HDAC9: variants seen among roughly 807,000 people sequenced by gnomAD.
HDAC9 encodes MEF-2 interacting transcription repressor (MITR) protein.
In HDAC9, 41 loss-of-function variants were observed where a neutral mutation model predicts 139.4. That is an observed-to-expected ratio of 0.29 (90% CI 0.23 to 0.38). The LOEUF is 0.38. HDAC9 is among the 10% of genes least tolerant of loss of function. The pLI is 1.00. For synonymous variants in HDAC9, 517 were observed against 476.2 expected (o/e 1.09, Z -1.12); for missense variants, 1,147 against 1,297.0 (o/e 0.88, Z 1.78).
intron 1 of HDAC9, among the ~76,000 whole-genome samples, chr7:18,379,920 G>T (rs1489660651): frequency 6.6e-6 from 1 of 152,178 alleles, no homozygotes; most frequent in Non-Finnish European, 1.5e-5. Flanking sequence ...TTTGGGTCTT[G>T]CAGCTGGCTC....
intron 2 of HDAC9, among the ~76,000 whole-genome samples, chr7:18,558,163 C>A (rs538211494): frequency 8.5e-5 from 13 of 152,084 alleles, no homozygotes; most frequent in Non-Finnish European, 1.6e-4. Context: ...CTTCTCTGAT[C>A]CATCATTATT....
At chr7:18,253,566 T>C (rs1250556626) in intron 2 of HDAC9, among the ~76,000 whole-genome samples, 1 of 152,240 alleles carries the variant, frequency 6.6e-6, no homozygotes, top group Non-Finnish European at 1.5e-5. Flanking sequence ...GAAAAGTGTC[T>C]GTTCATGTCC....
intron 2 of HDAC9, among the ~76,000 whole-genome samples, chr7:18,574,584 C>T (rs1477699674): frequency 6.6e-6 from 1 of 152,210 alleles, no homozygotes; most frequent in East Asian, 1.9e-4. Context: ...CTGCCTCCTG[C>T]CGCCATCAGT....
chr7:18,706,041 G>A (rs986110770), intron 12 of HDAC9, among the ~76,000 whole-genome samples: 2 of 151,656 alleles, frequency 1.3e-5, no homozygotes, highest in Non-Finnish European at 2.9e-5. Flanking sequence ...ACCCACAGAC[G>A]TGAATCCTTT....
At chr7:18,634,889 G>GA (rs1328987049) in intron 8 of HDAC9, 147 bp downstream of exon 8, 3 of 541,164 alleles carry the variant, frequency 5.5e-6, no homozygotes, top group Middle Eastern at 9.5e-4. Flanking sequence ...TAAACCAATT[G>GA]AAAAAAATTG....
intron 1 of HDAC9, among the ~76,000 whole-genome samples, chr7:18,121,176 C>G (rs896645409): frequency 6.6e-6 from 1 of 152,136 alleles, no homozygotes; most frequent in Non-Finnish European, 1.5e-5. Context: ...TGAAAACTTA[C>G]ATTTTATGAG....
chr7:18,939,200 G>A (rs184344196), intron 23 of HDAC9, among the ~76,000 whole-genome samples: 3 of 152,078 alleles, frequency 2.0e-5, no homozygotes, highest in African/African-American at 4.8e-5. Context: ...AAGGAAGGGA[G>A]GTTTAAATAA....
At chr7:18,265,644 G>A (rs2128209679) in intron 2 of HDAC9, among the ~76,000 whole-genome samples, 1 of 151,754 alleles carries the variant, frequency 6.6e-6, no homozygotes, top group African/African-American at 2.4e-5. Context: ...TAAATAACAT[G>A]CCCATTACAT....
intron 1 of HDAC9, among the ~76,000 whole-genome samples, chr7:18,398,358 G>A (rs1374503877): frequency 1.3e-5 from 2 of 152,126 alleles, no homozygotes; most frequent in East Asian, 1.9e-4. Context: ...AGAAAAGAAG[G>A]TATGCTTAAT....
chr7:18,668,614 C>G, intron 12 of HDAC9: 4 of 983,018 alleles, frequency 4.1e-6, no homozygotes, highest in Non-Finnish European at 4.8e-6. Flanking sequence ...ATTTGATAGT[C>G]TTTGAATTTA....
In HDAC9 at chr7:18,596,379, G is replaced by A. The variant is rs181128188; in HGVS notation, c.664+2350G>A. Among the ~76,000 whole-genome samples, 360 of 152,054 alleles carry A rather than the reference G, an allele frequency of 2.4e-3. 2 individuals are homozygous for A. Among genetic ancestry groups the A allele is most frequent in the African/African-American group, 8.4e-3 (347 of 41,510 alleles). On this transcript the variant is annotated intron_variant, in intron 6 of 25. Transcript: ENST00000686413. ...ATGCCCTTCATTAATTACAAAATAG[G>A]TGGAACACTCAGCTTTTATAAATAT... is the stretch of plus-strand genomic sequence containing the variant.
chr7:18,271,514 A>G (rs1699413166), intron 2 of HDAC9, among the ~76,000 whole-genome samples: 1 of 152,192 alleles, frequency 6.6e-6, no homozygotes, highest in African/African-American at 2.4e-5. Flanking sequence ...ATCTGGTACC[A>G]GTTTCCCCCT....
chr7:18,732,686 TAC>T lies in HDAC9; in HGVS notation c.1909+4940_1909+4941del, dbSNP rs200510183. On this transcript the variant is annotated intron_variant, in intron 13 of 25. Coordinates refer to ENST00000686413, the MANE Select transcript of HDAC9 (RefSeq NM_178425.4). ...ACACGTGTATATGTGTGCGTATGTGTACACACACACACGTGTATGTGTGCGTA... is the reference window on the plus strand; with the variant it reads ...ACACGTGTATATGTGTGCGTATGTGTACACACACACGTGTATGTGTGCGTA... 7.8e-3 allele frequency among the ~76,000 whole-genome samples: 892 copies of T among 114,870 alleles called. 152 individuals are homozygous for T. Among genetic ancestry groups the T allele is most frequent in the African/African-American group, 0.012 (275 of 23,340 alleles). 75.4% of individuals were successfully genotyped at this position (114,870 alleles called of 152,430 possible). A position where few individuals can be genotyped will look rare whatever the true frequency, so the allele number is the denominator to read the frequency against.
chr7:18,287,396 T>C (rs1452102417), upstream of HDAC9, among the ~76,000 whole-genome samples: 1 of 152,252 alleles, frequency 6.6e-6, no homozygotes, highest in African/African-American at 2.4e-5. Context: ...CTGAATACCA[T>C]ACTCTGACAT....
intron 6 of HDAC9, among the ~76,000 whole-genome samples, chr7:18,622,781 C>G (rs1179953535): frequency 6.6e-6 from 1 of 151,674 alleles, no homozygotes; most frequent in South Asian, 2.1e-4. Context: ...TTCTACATAC[C>G]ACACAATGTG....
At chr7:18,975,098 C>A (rs935574838) in intron 24 of HDAC9, among the ~76,000 whole-genome samples, 3 of 152,212 alleles carry the variant, frequency 2.0e-5, no homozygotes, top group African/African-American at 7.2e-5. Context: ...TATGCTCTTT[C>A]ATATTTATCC....
intron 1 of HDAC9, among the ~76,000 whole-genome samples, chr7:18,403,493 A>C (rs1787732830): frequency 6.6e-6 from 1 of 152,188 alleles, no homozygotes; most frequent in Non-Finnish European, 1.5e-5. Flanking sequence ...ATTCAAAAAT[A>C]CACCTGCTGT....
intron 25 of HDAC9, among the ~76,000 whole-genome samples, chr7:18,981,132 C>T (rs1367403792): frequency 6.6e-6 from 1 of 151,992 alleles, no homozygotes; most frequent in Non-Finnish European, 1.5e-5. Flanking sequence ...CCTGTTTCTT[C>T]TTTTAATATA....
At chr7:18,239,622 G>A (rs1757093243) in intron 2 of HDAC9, among the ~76,000 whole-genome samples, 1 of 152,142 alleles carries the variant, frequency 6.6e-6, no homozygotes, top group Non-Finnish European at 1.5e-5. Flanking sequence ...TATTTTAGAT[G>A]TACCTTTGAT....
Sources: allele counts gnomAD v4.1 joint callset (sites outside exome capture counted in the v4.1 genomes callset), GRCh38; gene constraint gnomAD v4.1.1; transcripts MANE v1.5; gene names NCBI Gene and HGNC (gene_info 2026-07-23, HGNC 2026-07-21).